C8B: variants seen among roughly 807,000 people sequenced by gnomAD.
The protein encoded by C8B is complement C8 beta chain, also known as complement component C8 beta chain.
A neutral mutation model predicts 64.6 loss-of-function variants in C8B; 67 were observed. The ratio of observed to expected loss-of-function variants is 1.04; its 90% CI spans 0.85 to 1.27. C8B has a LOEUF of 1.27. Ranked by LOEUF, C8B falls within the 50% of genes most tolerant of loss-of-function variation. C8B has a pLI of 0.00. For synonymous variants in C8B, 284 were observed against 257.7 expected (o/e 1.10, Z -0.98); for missense variants, 790 against 725.2 (o/e 1.09, Z -1.03).
intron 9 of C8B, among the ~76,000 whole-genome samples, chr1:56,939,450 G>A (rs752906871): frequency 2.0e-4 from 31 of 152,204 alleles, no homozygotes; most frequent in Non-Finnish European, 3.7e-4. Flanking sequence ...GCTGGGGACT[G>A]CAGAGTCTCT....
chr1:56,951,961 G>GGATGTGTC (rs1553181640), intron 5 of C8B, 87 bp downstream of exon 5: 8 of 1,402,874 alleles, frequency 5.7e-6, no homozygotes, highest in Non-Finnish European at 7.6e-6. Context: ...AGAGAAAAGG[G>GGATGTGTC]CTAGCAGGCT....
At position 56,952,213 on chromosome 1, in the gene C8B, TAAA is replaced by T. The variant is rs747595186; in HGVS notation, c.534-36_534-34del. The T allele has an allele frequency of 1.1e-4, 178 of 1,613,134 alleles. 2 individuals carry two copies. The Middle Eastern group carries it at 1.2e-3, about 10-fold the overall frequency. On this transcript the variant is annotated intron_variant, in intron 4 of 11. Coordinates refer to ENST00000371237, the MANE Select transcript of C8B (RefSeq NM_000066.4). ...GAAGAGACAGAGATGGCGAAGAGGT[TAAA>T]GTTTGCGGTTGCTTAATCTTGACTG...
intron 8 of C8B, among the ~76,000 whole-genome samples, chr1:56,943,149 C>T (rs966547720): frequency 2.0e-5 from 3 of 151,974 alleles, no homozygotes; most frequent in Middle Eastern, 3.2e-3. Context: ...CTACTGCCAA[C>T]AGGAGTATAA....
rs773721786 is a variant in C8B, at chr1:56,929,575, C to T, written c.1622-17G>A. 8.1e-6 allele frequency: 13 copies of T among 1,610,998 alleles called. No individual in the cohort carries two copies. The highest frequency in any genetic ancestry group is 1.1e-5 in the Non-Finnish European group (13 of 1,177,442). On this transcript the variant is annotated splice_polypyrimidine_tract_variant and intron_variant, in intron 11 of 11. Coordinates refer to ENST00000371237, the MANE Select transcript of C8B (RefSeq NM_000066.4). Reference sequence around the variant, plus strand: ...TGGGGGTATCTATAAGAAAGAAGGTCAATAAGCATCAATCAGCACTTCTTA... The same window carrying T: ...TGGGGGTATCTATAAGAAAGAAGGTTAATAAGCATCAATCAGCACTTCTTA...
At chr1:56,956,138 T>C (rs191073186) in intron 3 of C8B, among the ~76,000 whole-genome samples, 7 of 152,294 alleles carry the variant, frequency 4.6e-5, no homozygotes, top group Admixed American at 2.0e-4. Context: ...GAAATGTAAA[T>C]GACAGGAAAT....
intron 9 of C8B, among the ~76,000 whole-genome samples, chr1:56,935,988 A>G (rs1170123452): frequency 1.3e-5 from 2 of 152,240 alleles, no homozygotes; most frequent in Non-Finnish European, 2.9e-5. Flanking sequence ...GGCTTCTTAC[A>G]TCTTCAGAGT....
intron 9 of C8B, among the ~76,000 whole-genome samples, chr1:56,940,560 A>G (rs1469907688): frequency 7.9e-6 from 1 of 125,882 alleles, no homozygotes; most frequent in Non-Finnish European, 1.7e-5. Flanking sequence ...ACAGAGCAAG[A>G]CCCTGTCTCT....
At chr1:56,939,262 G>A (rs967620713) in intron 9 of C8B, among the ~76,000 whole-genome samples, 3 of 152,150 alleles carry the variant, frequency 2.0e-5, no homozygotes, top group East Asian at 1.9e-4. Flanking sequence ...CCATGGCATC[G>A]GCCAAGCCCA....
chr1:56,941,220 G>A (rs912751233), intron 8 of C8B, among the ~76,000 whole-genome samples: 1 of 152,118 alleles, frequency 6.6e-6, no homozygotes, highest in African/African-American at 2.4e-5. Context: ...CAAATTGAGG[G>A]CAGGACAAGA....
chr1:56,938,452 G>T (rs1000695635), intron 9 of C8B, among the ~76,000 whole-genome samples: 1 of 152,096 alleles, frequency 6.6e-6, no homozygotes, highest in African/African-American at 2.4e-5. Context: ...TCCTTGAATT[G>T]TATGATAATC....
chr1:56,949,651 A>G lies in C8B; in HGVS notation c.768T>C (p.Phe256=). ...CAAATATTCCAGGTATTTTAAAACC[A>G]AAACTGAAACCAGACTTGCTTGCCA... ...EKMASKSGFS[F]GFKIPGIFEL... is the part of the protein sequence containing the mutation. Residue 256 remains phenylalanine, a synonymous_variant, in exon 6 of 12, where the codon TTT becomes TTC. Transcript: ENST00000371237. The G allele has an allele frequency of 6.2e-7, 1 of 1,614,112 alleles. No individual in the cohort carries two copies. The highest frequency in any genetic ancestry group is 8.5e-7 in the Non-Finnish European group (1 of 1,179,972).
intron 11 of C8B, 103 bp from the exon 12 acceptor site, chr1:56,929,661 A>C: frequency 9.3e-7 from 1 of 1,076,342 alleles, no homozygotes; most frequent in Middle Eastern, 2.1e-4. Flanking sequence ...TGGGAGTCTG[A>C]ATCTCTGAGC....
chr1:56,960,656 T>C (rs532172148), intron 1 of C8B, among the ~76,000 whole-genome samples: 56 of 152,300 alleles, frequency 3.7e-4, no homozygotes, highest in Non-Finnish European at 7.5e-4. Context: ...GCCTGAATCA[T>C]GGCAATGGCC....
intron 9 of C8B, among the ~76,000 whole-genome samples, chr1:56,939,128 G>C (rs575200413): frequency 2.6e-5 from 4 of 152,276 alleles, no homozygotes; most frequent in South Asian, 4.1e-4. Context: ...GAATTCATTT[G>C]GTTCTCAGTT....
chr1:56,965,214 G>A (rs1408417341), intron 1 of C8B, among the ~76,000 whole-genome samples: 1 of 152,274 alleles, frequency 6.6e-6, no homozygotes. Context: ...TCATGCACAC[G>A]GAGCATCCCC....
At position 56,949,879 on chromosome 1, in the gene C8B, A is replaced by C. The variant is rs557711231; in HGVS notation, c.667-127T>G. The C allele has an allele frequency of 1.1e-4, 81 of 725,862 alleles. 1 individual carries two copies. Among genetic ancestry groups the C allele is most frequent in the Admixed American group, 7.4e-4 (34 of 45,846 alleles). The allele number at this position is 725,862 out of a possible 1,614,324, so 45.0% of individuals were successfully genotyped here. ...GAACTAGATGCTCTGGATACAGAGAAATCAGGGCCGATTTGTGTCCCCACC... is the reference window on the plus strand; with the variant it reads ...GAACTAGATGCTCTGGATACAGAGACATCAGGGCCGATTTGTGTCCCCACC... On this transcript the variant is annotated intron_variant, in intron 5 of 11. Transcript: ENST00000371237.
Position 56,954,767 on chromosome 1 carries a change from T to A in C8B, c.452A>T (p.Asp151Val). The change falls in exon 4 of 12, where the codon GAT becomes GTT. Residue 151 changes from aspartate (D) to valine (V), a missense_variant. Transcript: ENST00000371237. Reference protein sequence around the residue: ...NGDNDCGDQSDEANCRRIYKK... With the variant: ...NGDNDCGDQSVEANCRRIYKK... ...ATAAATCCTTCTACAGTTTGCTTCA[T>A]CTGACTGGTCTCCACAGTCATTGTC... 1 of 1,614,168 alleles carries A rather than the reference T, an allele frequency of 6.2e-7. No homozygotes were observed. Among genetic ancestry groups the A allele is most frequent in the Non-Finnish European group, 8.5e-7 (1 of 1,179,984 alleles).
chr1:56,963,568 A>G (rs913676736), intron 1 of C8B, among the ~76,000 whole-genome samples: 1 of 119,626 alleles, frequency 8.4e-6, no homozygotes, highest in African/African-American at 3.3e-5. Context: ...TCAGATACAC[A>G]ATGTGGAGGT....
At chr1:56,929,695 A>T in intron 11 of C8B, 137 bp from the exon 12 acceptor site, 1 of 808,618 alleles carries the variant, frequency 1.2e-6, no homozygotes, top group Non-Finnish European at 2.1e-6. Flanking sequence ...TTTCCTGGCC[A>T]TTGTACTTGT....
Sources: allele counts gnomAD v4.1 joint callset (sites outside exome capture counted in the v4.1 genomes callset), GRCh38; gene constraint gnomAD v4.1.1; transcripts MANE v1.5; gene names NCBI Gene and HGNC (gene_info 2026-07-23, HGNC 2026-07-21).